Variants in NKTR observed in about 807,000 individuals in gnomAD.
NKTR encodes the protein natural killer cell triggering receptor, also known as NK-tumor recognition protein.
A neutral mutation model predicts 156.3 loss-of-function variants in NKTR; 67 were observed. That is an observed-to-expected ratio of 0.43 (90% confidence interval 0.35 to 0.53). The LOEUF (loss-of-function observed/expected upper bound fraction) is 0.53. Among genes scored for constraint, NKTR ranks in the 20% least tolerant of loss-of-function variants. The pLI, the probability that NKTR is intolerant of heterozygous loss-of-function variation, is 0.01. For synonymous variants in NKTR, 640 were observed against 596.6 expected (o/e 1.07, Z -1.06); for missense variants, 1,604 against 1,730.9 (o/e 0.93, Z 1.30).
At position 42,637,236 on chromosome 3, in the gene NKTR, T is replaced by C; in HGVS notation, c.1532T>C (p.Leu511Ser). ...TCTGATAAGGATGTCCAGAGCTCTT[T>C]AACCCATTCCAGCAGAGACTCATAC... ...SKSDKDVQSS[L>S]THSSRDSYRS... Residue 511 changes from leucine (L) to serine (S), a missense_variant, in exon 13 of 17, where the codon TTA becomes TCA. Around this residue, in one of 6 missense-constraint regions of NKTR, gnomAD observed 1,255 missense variants for 1,243.7 expected, o/e 1.01. Transcript: ENST00000232978. The C allele has an allele frequency of 6.2e-7, 1 of 1,611,856 alleles. No homozygotes were observed. The highest frequency in any genetic ancestry group is 8.5e-7 in the Non-Finnish European group (1 of 1,179,368).
At chr3:42,629,161 A>T in intron 6 of NKTR, 1 of 984,922 alleles carries the variant, frequency 1.0e-6, no homozygotes, top group Non-Finnish European at 1.2e-6. Flanking sequence ...TGGTTTCTGG[A>T]TGCTAGTTTA....
chr3:42,644,006 G>T lies in NKTR; in HGVS notation c.4301+3G>T. On this transcript the variant is annotated splice_donor_region_variant and intron_variant, in intron 16 of 16. Transcript: ENST00000232978. ...AGAAGTTATAATCGGCGGTCCAGGT[G>T]GGTCTCTCTCCTTTATCGTCCTTTA... is the stretch of plus-strand genomic sequence containing the variant. 1 of 1,610,566 alleles carries T rather than the reference G, an allele frequency of 6.2e-7. No homozygotes were observed. Among genetic ancestry groups the T allele is most frequent in the Non-Finnish European group, 8.5e-7 (1 of 1,177,184 alleles).
chr3:42,642,524 G>A lies in NKTR; in HGVS notation c.4070G>A (p.Arg1357Gln), dbSNP rs199973806. The A allele has an allele frequency of 2.4e-4, 392 of 1,613,664 alleles. 2 individuals carry two copies. Among genetic ancestry groups the A allele is most frequent in the Middle Eastern group, 3.3e-4 (2 of 6,060 alleles). Residue 1357 changes from arginine to glutamine, a missense_variant, in exon 14 of 17, where the codon CGG (arginine) becomes CAG (glutamine). Around this residue, in one of 6 missense-constraint regions of NKTR, gnomAD observed 193 missense variants for 220.2 expected, o/e 0.88. Transcript: ENST00000232978. ...AGATCAAGAAGCTACTCTAGAAGTC[G>A]GAGCAGAGGATGGTACAGCAGAGGC... ...SYRSRSYSRS[R>Q]SRGWYSRGRT... is the part of the protein sequence containing the mutation.
chr3:42,637,021 A>G lies in NKTR; in HGVS notation c.1317A>G (p.Lys439=), dbSNP rs757331796. The G allele has an allele frequency of 6.2e-7, 1 of 1,612,034 alleles. No homozygotes were observed. Among genetic ancestry groups the G allele is most frequent in the South Asian group, 1.1e-5 (1 of 90,676 alleles). The change falls in exon 13 of 17, where the codon AAA becomes AAG. Residue 439 remains lysine, a synonymous_variant. Coordinates refer to ENST00000232978, the MANE Select transcript of NKTR (RefSeq NM_005385.4). The stretch of plus-strand genomic sequence containing the variant: ...GAAAAGAAAAAAAGGTTAAGCATAA[A>G]AAGAAAGGGAAAAAGCAGAAACACT... ...KRRKEKKVKH[K]KKGKKQKHCR...
At chr3:42,609,037 AG>A (rs1217216908) in intron 2 of NKTR, among the ~76,000 whole-genome samples, 1 of 152,164 alleles carries the variant, frequency 6.6e-6, no homozygotes, top group Non-Finnish European at 1.5e-5. Context: ...CTAAGGCAGG[AG>A]AATTGCTTGA....
intron 2 of NKTR, among the ~76,000 whole-genome samples, chr3:42,607,389 G>A (rs564049060): frequency 6.6e-6 from 1 of 152,244 alleles, no homozygotes; most frequent in South Asian, 2.1e-4. Flanking sequence ...TGTGTGCAAA[G>A]TATCCAACAG....
chr3:42,644,454 G>A (rs1057036695), intron 16 of NKTR, among the ~76,000 whole-genome samples: 2 of 152,250 alleles, frequency 1.3e-5, no homozygotes, highest in South Asian at 2.1e-4. Context: ...TGTATTATAT[G>A]TATTATGTTT....
chr3:42,606,858 T>A (rs1344526412), intron 2 of NKTR, among the ~76,000 whole-genome samples: 6 of 151,032 alleles, frequency 4.0e-5, no homozygotes, highest in Non-Finnish European at 8.8e-5. Context: ...AAAAAAAAAA[T>A]TTCGTTTGGC....
intron 5 of NKTR, chr3:42,620,612 A>G (rs766619221): frequency 6.3e-5 from 62 of 984,006 alleles, no homozygotes; most frequent in Admixed American, 6.2e-4. Context: ...GTTCTGAAGA[A>G]GATTTGTTTG....
At chr3:42,609,438 T>C (rs1413500049) in intron 2 of NKTR, among the ~76,000 whole-genome samples, 1 of 152,240 alleles carries the variant, frequency 6.6e-6, no homozygotes, top group Non-Finnish European at 1.5e-5. Context: ...TCTTTAACTT[T>C]CAGTTTGTTC....
intron 2 of NKTR, among the ~76,000 whole-genome samples, chr3:42,605,290 A>G (rs926935237): frequency 3.3e-5 from 5 of 152,198 alleles, no homozygotes; most frequent in African/African-American, 1.2e-4. Context: ...GTCTTGTCCC[A>G]CTCTGACAAT....
Position 42,631,399 on chromosome 3 carries a change from C to G in NKTR, c.550+83C>G, listed in dbSNP as rs998365214. ...CTGTAACTAGATTTGATTAGTGGAA[C>G]TAGTGGTATAGCAATAGCCCTTGGT... On this transcript the variant is annotated intron_variant, in intron 8 of 16. Coordinates refer to ENST00000232978, the MANE Select transcript of NKTR (RefSeq NM_005385.4). The G allele has an allele frequency of 9.9e-6, 15 of 1,511,914 alleles. No individual in the cohort carries two copies. The Admixed American group carries it at 2.9e-4, about 29-fold the overall frequency. The allele number at this position is 1,511,914 out of a possible 1,614,324, so 93.7% of individuals were successfully genotyped here.
chr3:42,639,233 AAACAGG>A lies in NKTR; in HGVS notation c.3532_3537del (p.Gln1178_Glu1179del). ...GGAACATCCTCAAGCAGAGGTAGTA[AAACAGG>A]AAAGCAGCATGTCCGAAAGTAAAGT... On this transcript the variant is annotated inframe_deletion, in exon 13 of 17. Transcript: ENST00000232978. 1 of 1,614,198 alleles carries A rather than the reference AAACAGG, an allele frequency of 6.2e-7. No homozygotes were observed. Among genetic ancestry groups the A allele is most frequent in the Non-Finnish European group, 8.5e-7 (1 of 1,180,030 alleles).
At chr3:42,628,577 A>G (rs1296079506) in intron 6 of NKTR, 2 of 985,346 alleles carry the variant, frequency 2.0e-6, no homozygotes, top group East Asian at 1.1e-4. Context: ...CCAATACTGC[A>G]GGATCTGTGA....
Position 42,638,916 on chromosome 3 carries a change from A to G in NKTR, c.3212A>G (p.Asp1071Gly). 1 of 1,612,864 alleles carries G rather than the reference A, an allele frequency of 6.2e-7. No individual in the cohort carries two copies. The highest frequency in any genetic ancestry group is 8.5e-7 in the Non-Finnish European group (1 of 1,178,922). ...GAAGAGGACCTTTCAGGTAAACATG[A>G]TACAGTGACTGTTTCATCAGATCTT... is the stretch of plus-strand genomic sequence containing the variant. ...SSEEDLSGKH[D>G]TVTVSSDLDQ... Residue 1071 changes from aspartate (D) to glycine (G), a missense_variant, in exon 13 of 17, where the codon GAT becomes GGT. By Grantham distance (94) the Asp-to-Gly change is moderately conservative. Coordinates refer to ENST00000232978, the MANE Select transcript of NKTR (RefSeq NM_005385.4).
intron 8 of NKTR, among the ~76,000 whole-genome samples, chr3:42,632,179 C>T (rs1348195086): frequency 3.4e-5 from 5 of 149,024 alleles, no homozygotes; most frequent in Non-Finnish European, 7.4e-5. Context: ...AGGTGATTCT[C>T]CTGCCTCAGC....
At chr3:42,616,299 G>A (rs953748296) in intron 2 of NKTR, among the ~76,000 whole-genome samples, 2 of 152,234 alleles carry the variant, frequency 1.3e-5, no homozygotes, top group African/African-American at 4.8e-5. Context: ...GAAAGGAACT[G>A]AAGAGTAATT....
intron 9 of NKTR, 169 bp from the exon 10 acceptor site, chr3:42,633,411 G>GTT (rs1577542675): frequency 7.3e-7 from 1 of 1,371,822 alleles, no homozygotes; most frequent in East Asian, 2.7e-5. Flanking sequence ...TAGTCTTTGG[G>GTT]TTTTTCACTG....
intron 9 of NKTR, 176 bp downstream of exon 9, chr3:42,632,999 C>G (rs1709057767): frequency 7.8e-7 from 1 of 1,287,502 alleles, no homozygotes; most frequent in Non-Finnish European, 9.8e-7. Flanking sequence ...CATTTCATTT[C>G]AAAGATTTGT....
Sources: gnomAD v4.1 joint callset for allele counts (sites outside exome capture counted in the v4.1 genomes callset) on GRCh38, gnomAD v4.1.1 for gene constraint, gnomAD v4.1.1 regional missense constraint, MANE v1.5 for transcripts, NCBI Gene and HGNC (gene_info 2026-07-23, HGNC 2026-07-21) for gene names.